Variants in CABIN1 observed in about 807,000 individuals in gnomAD.
The protein encoded by CABIN1 is calcineurin binding protein 1, also known as calcineurin-binding protein cabin-1.
Under a neutral mutation model 227.7 loss-of-function variants are expected in CABIN1, and 133 were observed. The ratio of observed to expected loss-of-function variants is 0.58; its 90% CI spans 0.51 to 0.67. The LOEUF is 0.67. Ranked by LOEUF, CABIN1 falls within the 30% of genes least tolerant of loss-of-function variation. The pLI is 0.00. For synonymous variants in CABIN1, 1,086 were observed against 1,155.1 expected, an observed-to-expected ratio of 0.94 and a Z score of 1.21; for missense variants, 2,408 against 2,852.5, an observed-to-expected ratio of 0.84 and a Z score of 3.55.
chr22:24,071,466 G>A (rs556405041), intron 17 of CABIN1, among the ~76,000 whole-genome samples: 1 of 152,236 alleles, frequency 6.6e-6, no homozygotes, highest in South Asian at 2.1e-4. Context: ...AGTCTTTAAG[G>A]CAGAGAATCT....
chr22:24,087,638 C>A lies in CABIN1; in HGVS notation c.3450C>A (p.Ser1150=). The change falls in exon 23 of 37, where the codon TCC becomes TCA. Residue 1150 remains serine (S), a synonymous_variant. Coordinates refer to ENST00000263119, the MANE Select transcript of CABIN1 (RefSeq NM_012295.4). ...LSLWIEYGTM[S]YALHSFASRQ... is the part of the protein sequence containing the mutation. ...TATGGATTGAGTATGGCACCATGTC[C>A]TATGCCTTGCACTCATTCGCCTCAC... 6.2e-7 allele frequency: 1 copy of A among 1,614,194 alleles called. No homozygotes were observed. Among genetic ancestry groups the A allele is most frequent in the Non-Finnish European group, 8.5e-7 (1 of 1,180,034 alleles).
chr22:24,171,893 C>G lies in CABIN1; in HGVS notation c.5938C>G (p.Pro1980Ala). Residue 1980 changes from proline to alanine, a missense_variant, in exon 34 of 37, where the codon CCT becomes GCT. Transcript: ENST00000263119. ...LAAATTIITC[P>A]PSASASTLDQ... ...TGCCGCCACAACTATTATCACCTGC[C>G]CTCCGTCAGCATCAGCTTCCACCCT... 6 of 1,614,116 alleles carry G rather than the reference C, an allele frequency of 3.7e-6. No individual in the cohort carries two copies. Among genetic ancestry groups the G allele is most frequent in the Non-Finnish European group, 4.2e-6 (5 of 1,180,054 alleles).
Position 24,063,094 on chromosome 22 carries a change from T to C in CABIN1, c.1832T>C (p.Leu611Pro). The stretch of plus-strand genomic sequence containing the variant: ...CGCGACCTGTTCGAGGATGGTTGGC[T>C]GGAGTTTGTGGTCCGTGTTTACTGG... Reference protein sequence around the residue: ...SQRDLFEDGWLEFVVRVYWLK... With the variant: ...SQRDLFEDGWPEFVVRVYWLK... The change falls in exon 14 of 37, where the codon CTG (leucine) becomes CCG (proline). Residue 611 changes from leucine to proline, a missense_variant. Transcript: ENST00000263119. The C allele has an allele frequency of 6.2e-7, 1 of 1,614,194 alleles. No homozygotes were observed. Among genetic ancestry groups the C allele is most frequent in the South Asian group, 1.1e-5 (1 of 91,082 alleles).
intron 28 of CABIN1, among the ~76,000 whole-genome samples, chr22:24,133,092 C>T (rs1381516410): frequency 6.6e-6 from 1 of 152,182 alleles, no homozygotes; most frequent in African/African-American, 2.4e-5. Context: ...TCCTTCCCCT[C>T]AGGGTGGGGC....
intron 22 of CABIN1, among the ~76,000 whole-genome samples, chr22:24,087,014 GCTGA>G (rs2147123957): frequency 6.6e-6 from 1 of 152,256 alleles, no homozygotes; most frequent in East Asian, 1.9e-4. Context: ...ATCACACCTG[GCTGA>G]GGGTCTTCCT....
At chr22:24,103,627 G>C (rs551972098) in intron 26 of CABIN1, among the ~76,000 whole-genome samples, 1 of 152,152 alleles carries the variant, frequency 6.6e-6, no homozygotes, top group Non-Finnish European at 1.5e-5. Flanking sequence ...ACTGTAAGTG[G>C]AGCTCAGTTT....
At chr22:24,172,555 C>T (rs1289851760) in intron 34 of CABIN1, among the ~76,000 whole-genome samples, 3 of 152,168 alleles carry the variant, frequency 2.0e-5, no homozygotes, top group Admixed American at 1.3e-4. Context: ...AGGGCAGGGG[C>T]AGGTCAGGGG....
intron 1 of CABIN1, among the ~76,000 whole-genome samples, chr22:24,030,397 G>A (rs1203318510): frequency 6.6e-6 from 1 of 152,184 alleles, no homozygotes; most frequent in Admixed American, 6.5e-5. Flanking sequence ...CTGGAAAATG[G>A]GGATGATAAT....
intron 1 of CABIN1, among the ~76,000 whole-genome samples, chr22:24,013,211 T>TC (rs1173057645): frequency 6.8e-6 from 1 of 146,944 alleles, no homozygotes; most frequent in Non-Finnish European, 1.5e-5. Flanking sequence ...TTTTTTTTTT[T>TC]TTTTGAGATG....
chr22:24,139,480 C>A lies in CABIN1; in HGVS notation c.4746+5065C>A, dbSNP rs546283267. Among the ~76,000 whole-genome samples the A allele has an allele frequency of 2.6e-5, 4 of 152,188 alleles. No individual in the cohort carries two copies. In the South Asian group the frequency reaches 8.3e-4, roughly 32 times the overall value. On this transcript the variant is annotated intron_variant, in intron 29 of 36. Coordinates refer to ENST00000263119, the MANE Select transcript of CABIN1 (RefSeq NM_012295.4). ...AGTCAGGAGGCTGAGGCAGAAGAAT[C>A]CCTTCAACTCAGGAGGCGGAGGTTG...
At chr22:24,046,536 T>C (rs1372302648) in intron 6 of CABIN1, among the ~76,000 whole-genome samples, 1 of 152,190 alleles carries the variant, frequency 6.6e-6, no homozygotes, top group East Asian at 1.9e-4. Context: ...CTGACTTCTT[T>C]AGTTCTTTGC....
chr22:24,064,182 G>A lies in CABIN1; in HGVS notation c.2032G>A (p.Glu678Lys). Residue 678 changes from glutamate (E) to lysine (K), a missense_variant, in exon 15 of 37, where the codon GAG becomes AAG. Glu to Lys is a moderately conservative substitution (Grantham distance 56). This residue lies in a region of CABIN1 where 1,045 missense variants were observed against 1,168.4 expected (regional missense o/e 0.89). Coordinates refer to ENST00000263119, the MANE Select transcript of CABIN1 (RefSeq NM_012295.4). ...CCATAATGACTCTGTGGTTTCCCTG[G>A]AGGAGGTAAGTGAGAATTTTCGTTT... is the stretch of plus-strand genomic sequence containing the variant. ...NLHNDSVVSLEEIDKNLKSLE... is the reference protein window; with the variant it reads ...NLHNDSVVSLKEIDKNLKSLE... 6.2e-7 allele frequency: 1 copy of A among 1,614,206 alleles called. No individual in the cohort carries two copies. The highest frequency in any genetic ancestry group is 1.1e-5 in the South Asian group (1 of 91,080).
Position 24,166,640 on chromosome 22 carries a change from G to T in CABIN1, c.5009G>T (p.Gly1670Val). ...LEDTLSELAE[G>V]SERPGPKVCG... ...TTCTTACCTTTGGTTTCTTTGTAGG[G>T]GTCAGAACGCCCAGGGCCCAAGGTC... Residue 1670 changes from glycine to valine, a missense_variant and splice_region_variant, in exon 32 of 37, where the codon GGG (glycine) becomes GTG (valine). Around this residue, in one of 3 missense-constraint regions of CABIN1, gnomAD observed 714 missense variants for 773.8 expected, o/e 0.92. Transcript: ENST00000263119. 1 of 1,612,762 alleles carries T rather than the reference G, an allele frequency of 6.2e-7. No homozygotes were observed. Among genetic ancestry groups the T allele is most frequent in the Non-Finnish European group, 8.5e-7 (1 of 1,179,946 alleles).
rs1460974921 is a variant in CABIN1, at chr22:24,076,256, A to G, written c.2720A>G (p.Asn907Ser). The G allele has an allele frequency of 6.2e-7, 1 of 1,614,136 alleles. No homozygotes were observed. Residue 907 changes from asparagine to serine, a missense_variant, in exon 19 of 37, where the codon AAT (asparagine) becomes AGT (serine). Physicochemically the swap from Asn to Ser is conservative, Grantham distance 46. Coordinates refer to ENST00000263119, the MANE Select transcript of CABIN1 (RefSeq NM_012295.4). ...EYLGRRSWCC[N>S]SDGALLRFYV... ...TTGGGCAGAAGGTCCTGGTGCTGCA[A>G]TTCAGATGGGGCTCTGCTGCGATTC...
Position 24,085,092 on chromosome 22 carries a change from C to T in CABIN1, c.3204C>T (p.Asn1068=). Residue 1068 remains asparagine (N), a synonymous_variant, in exon 22 of 37, where the codon AAC becomes AAT. Coordinates refer to ENST00000263119, the MANE Select transcript of CABIN1 (RefSeq NM_012295.4). ...TCCTGGCTGATTATCATTTCAAAAA[C>T]AAGGAGCAGTCCAAGGCCATCAAGT... ...YYLLADYHFK[N]KEQSKAIKFY... 1 of 1,614,204 alleles carries T rather than the reference C, an allele frequency of 6.2e-7. No homozygotes were observed.
intron 28 of CABIN1, among the ~76,000 whole-genome samples, chr22:24,129,254 T>C (rs1156471206): frequency 6.6e-6 from 1 of 152,222 alleles, no homozygotes; most frequent in Non-Finnish European, 1.5e-5. Context: ...TTTTGCTTCC[T>C]GTGTGAAGAG....
At chr22:24,069,933 G>A (rs980435795) in intron 16 of CABIN1, among the ~76,000 whole-genome samples, 2 of 152,114 alleles carry the variant, frequency 1.3e-5, no homozygotes, top group African/African-American at 2.4e-5. Context: ...ATGGGTCACC[G>A]GGCAGCAGGT....
chr22:24,041,179 C>T lies in CABIN1; in HGVS notation c.251C>T (p.Pro84Leu). The T allele has an allele frequency of 6.2e-7, 1 of 1,614,222 alleles. No individual in the cohort carries two copies. The change falls in exon 5 of 37, where the codon CCT (proline) becomes CTT (leucine). Residue 84 changes from proline to leucine, a missense_variant. Transcript: ENST00000263119. Reference protein sequence around the residue: ...SGDEKEGLKHPGLILKYSTYK... With the variant: ...SGDEKEGLKHLGLILKYSTYK... ...GATGAGAAAGAGGGGTTGAAACACC[C>T]TGGGCTGATACTGAAATATTCCACT...
At chr22:24,084,952 C>T in intron 21 of CABIN1, 54 bp from the exon 22 acceptor site, 4 of 1,609,720 alleles carry the variant, frequency 2.5e-6, no homozygotes, top group Non-Finnish European at 3.4e-6. Context: ...GTTTACTGGT[C>T]ACATCTGAGT....
Sources: gnomAD v4.1 joint callset for allele counts (sites outside exome capture counted in the v4.1 genomes callset) on GRCh38, gnomAD v4.1.1 for gene constraint, gnomAD v4.1.1 regional missense constraint, MANE v1.5 for transcripts, NCBI Gene and HGNC (gene_info 2026-07-23, HGNC 2026-07-21) for gene names.